The following SAMD12 variants were observed in gnomAD, a reference collection of about 807,000 sequenced individuals.
The protein encoded by SAMD12 is sterile alpha motif domain containing 12.
A neutral mutation model predicts 15.0 loss-of-function variants in SAMD12; 9 were observed. The ratio of observed to expected loss-of-function variants is 0.60; its 90% confidence interval spans 0.36 to 1.05. SAMD12 has a LOEUF of 1.05. SAMD12 is among the 50% of genes least tolerant of loss of function. The pLI is 0.01. For synonymous variants in SAMD12, 86 were observed against 90.1 expected (o/e 0.96, Z 0.25); for missense variants, 230 against 234.2 (o/e 0.98, Z 0.12).
At chr8:118,178,346 GA>G in the SAMD12 span, among the ~76,000 whole-genome samples, 1 of 152,070 alleles carries the variant, frequency 6.6e-6, no homozygotes, top group Non-Finnish European at 1.5e-5. Context: ...AGAAACATCT[GA>G]AAAAAGTGAG....
intron 4 of SAMD12, among the ~76,000 whole-genome samples, chr8:118,329,383 A>G (rs1006019420): frequency 7.2e-5 from 11 of 152,168 alleles, no homozygotes; most frequent in African/African-American, 2.4e-4. Flanking sequence ...ATTATTATAA[A>G]TGAAATTAAG....
chr8:118,284,332 A>G lies in SAMD12; in HGVS notation c.434-86600T>C, dbSNP rs113349830. Reference sequence around the variant, plus strand: ...GGGATGGCTTCATAACTTCCCTTCTAACAATATAACAATATGCTTCTGTAA... The same window carrying G: ...GGGATGGCTTCATAACTTCCCTTCTGACAATATAACAATATGCTTCTGTAA... On this transcript the variant is annotated intron_variant, in intron 4 of 4. Transcript: ENST00000409003. The G allele has an allele frequency of 8.7e-4, 395 of 456,282 alleles. 3 individuals are homozygous for G. The highest frequency in any genetic ancestry group is 4.0e-3 in the African/African-American group (202 of 50,196). The allele number at this position is 456,282 out of a possible 1,614,324, so 28.3% of individuals were successfully genotyped here.
chr8:118,416,142 T>C (rs778413427), intron 3 of SAMD12, among the ~76,000 whole-genome samples: 1 of 152,126 alleles, frequency 6.6e-6, no homozygotes, highest in Non-Finnish European at 1.5e-5. Flanking sequence ...CCTACTGAAG[T>C]AGAATCAAGG....
At chr8:118,320,483 TG>T (rs1312032121) in intron 4 of SAMD12, among the ~76,000 whole-genome samples, 2 of 152,162 alleles carry the variant, frequency 1.3e-5, no homozygotes, top group Non-Finnish European at 2.9e-5. Context: ...CTTTCAAGAA[TG>T]TTTTTAAATG....
intron 3 of SAMD12, among the ~76,000 whole-genome samples, chr8:118,437,429 C>T (rs575152848): frequency 2.0e-5 from 3 of 152,292 alleles, no homozygotes; most frequent in African/African-American, 7.2e-5. Flanking sequence ...AAGGAAATAA[C>T]AGCATGTTTT....
At chr8:118,167,806 G>T in the SAMD12 span, among the ~76,000 whole-genome samples, 2 of 152,066 alleles carry the variant, frequency 1.3e-5, no homozygotes, top group African/African-American at 2.4e-5. Context: ...AGTTCTCTAT[G>T]GTGAGCATTC....
At chr8:118,569,147 T>A (rs1021814058) in intron 2 of SAMD12, among the ~76,000 whole-genome samples, 1 of 152,132 alleles carries the variant, frequency 6.6e-6, no homozygotes, top group African/African-American at 2.4e-5. Flanking sequence ...AAATCCAAAA[T>A]CGAAATGCTC....
At chr8:118,239,047 T>C (rs1437648405) in intron 4 of SAMD12, among the ~76,000 whole-genome samples, 1 of 152,140 alleles carries the variant, frequency 6.6e-6, no homozygotes, top group African/African-American at 2.4e-5. Flanking sequence ...TTAAGTCTCA[T>C]TGTCATACAC....
intron 4 of SAMD12, among the ~76,000 whole-genome samples, chr8:118,236,372 C>T (rs905750334): frequency 5.3e-5 from 8 of 152,094 alleles, no homozygotes; most frequent in African/African-American, 1.7e-4. Context: ...TTAAATACAG[C>T]CCAAATAGTA....
At chr8:118,223,967 AAT>A (rs1812134368) in intron 4 of SAMD12, among the ~76,000 whole-genome samples, 1 of 152,212 alleles carries the variant, frequency 6.6e-6, no homozygotes, top group Admixed American at 6.5e-5. Flanking sequence ...TAACAATTGC[AAT>A]ATATGTGCAA....
At chr8:118,344,320 A>AGGTATGTGT in intron 4 of SAMD12, among the ~76,000 whole-genome samples, 1 of 152,312 alleles carries the variant, frequency 6.6e-6, no homozygotes, top group South Asian at 2.1e-4. Context: ...GAAAAATACC[A>AGGTATGTGT]CAAAGGCTTG....
chr8:118,440,661 C>A (rs1822717261), intron 2 of SAMD12, among the ~76,000 whole-genome samples: 3 of 38,248 alleles, frequency 7.8e-5, no homozygotes, highest in Admixed American at 4.1e-4. Flanking sequence ...GAGGAAAACA[C>A]ACACACACAC....
intron 4 of SAMD12, among the ~76,000 whole-genome samples, chr8:118,321,528 T>G (rs1018699664): frequency 2.6e-5 from 4 of 151,908 alleles, no homozygotes; most frequent in African/African-American, 9.7e-5. Flanking sequence ...GCAGGAGAAT[T>G]GCTTGAACCT....
chr8:118,468,754 A>G (rs1239482931), intron 2 of SAMD12, among the ~76,000 whole-genome samples: 1 of 152,060 alleles, frequency 6.6e-6, no homozygotes, highest in Non-Finnish European at 1.5e-5. Flanking sequence ...TGCTAGAGGA[A>G]TATGCACAAC....
intron 4 of SAMD12, among the ~76,000 whole-genome samples, chr8:118,338,700 G>A (rs1227767813): frequency 1.3e-5 from 2 of 152,144 alleles, no homozygotes; most frequent in Non-Finnish European, 2.9e-5. Context: ...ACCAAGTTCT[G>A]TTTTGCACAC....
intron 4 of SAMD12, among the ~76,000 whole-genome samples, chr8:118,321,649 T>C (rs1816291565): frequency 6.6e-6 from 1 of 152,002 alleles, no homozygotes; most frequent in African/African-American, 2.4e-5. Context: ...TGTTCGTAGA[T>C]AGTGGAAGGT....
At chr8:118,389,968 A>G (rs1460951233) in intron 3 of SAMD12, among the ~76,000 whole-genome samples, 6 of 152,128 alleles carry the variant, frequency 3.9e-5, no homozygotes, top group African/African-American at 1.4e-4. Flanking sequence ...CAAATTACGT[A>G]TATATGGGTC....
intron 3 of SAMD12, among the ~76,000 whole-genome samples, chr8:118,380,410 G>A (rs908016133): frequency 6.6e-6 from 1 of 152,148 alleles, no homozygotes; most frequent in African/African-American, 2.4e-5. Flanking sequence ...AGAGGTGTGA[G>A]TGCCTGCAGT....
chr8:118,353,435 T>G (rs1818060642), intron 4 of SAMD12, among the ~76,000 whole-genome samples: 1 of 151,978 alleles, frequency 6.6e-6, no homozygotes, highest in African/African-American at 2.4e-5. Flanking sequence ...AGAATGAGAT[T>G]AGCGCCCTTG....
Sources: allele counts gnomAD v4.1 joint callset (sites outside exome capture counted in the v4.1 genomes callset), GRCh38; gene constraint gnomAD v4.1.1; transcripts MANE v1.5; gene names NCBI Gene and HGNC (gene_info 2026-07-23, HGNC 2026-07-21).